The following MRTFA variants were observed in gnomAD, a reference collection of about 807,000 sequenced individuals.
MRTFA encodes myocardin-related transcription factor A.
In MRTFA, 20 loss-of-function variants were observed where a neutral mutation model predicts 83.5. The ratio of observed to expected loss-of-function variants is 0.24; its 90% confidence interval spans 0.17 to 0.35. MRTFA has a LOEUF of 0.35. MRTFA is among the 10% of genes least tolerant of loss of function. The pLI is 1.00. For synonymous variants in MRTFA, 659 were observed against 541.2 expected (o/e 1.22, Z -3.02); for missense variants, 1,200 against 1,224.7 (o/e 0.98, Z 0.30).
chr22:40,417,927 G>A (rs78875171), intron 12 of MRTFA, among the ~76,000 whole-genome samples: 4,401 of 152,262 alleles, frequency 0.029, 99 homozygotes, highest in Non-Finnish European at 0.046. Flanking sequence ...GTCTGCTGAG[G>A]GAGCTTTCCG....
intron 2 of MRTFA, among the ~76,000 whole-genome samples, chr22:40,557,080 A>C (rs894760299): frequency 6.6e-6 from 1 of 152,238 alleles, no homozygotes; most frequent in Non-Finnish European, 1.5e-5. Flanking sequence ...ATAACTCTGT[A>C]TGCAGTAGAT....
At chr22:40,424,506 C>T in intron 7 of MRTFA, 125 bp from the exon 8 acceptor site, 1 of 1,008,418 alleles carries the variant, frequency 9.9e-7, no homozygotes. Flanking sequence ...GTGAGGCAGG[C>T]AAGCCGAGGA....
rs1177811456 is a variant in MRTFA, at chr22:40,421,091, G to T, written c.937C>A (p.Pro313Thr). The T allele has an allele frequency of 3.3e-6, 5 of 1,533,046 alleles. No homozygotes were observed. The highest frequency in any genetic ancestry group is 4.4e-6 in the Non-Finnish European group (5 of 1,138,218). 95.0% of individuals were successfully genotyped at this position (1,533,046 alleles called of 1,614,324 possible). A position where few individuals can be genotyped will look rare whatever the true frequency, so the allele number is the denominator to read the frequency against. Reference sequence around the variant, plus strand: ...TGTGACTTCTCACTGGCAGACTTGGGTTGGCTTTGCTGAGGGCACAGGAGA... The same window carrying T: ...TGTGACTTCTCACTGGCAGACTTGGTTTGGCTTTGCTGAGGGCACAGGAGA... Residue 313 changes from proline to threonine, a missense_variant, in exon 10 of 15, where the codon CCC becomes ACC. By Grantham distance (38) the Pro-to-Thr change is conservative. Transcript: ENST00000355630.
chr22:40,549,811 G>A (rs983448215), intron 3 of MRTFA, among the ~76,000 whole-genome samples: 1 of 152,166 alleles, frequency 6.6e-6, no homozygotes, highest in Non-Finnish European at 1.5e-5. Context: ...CAGCACTTTG[G>A]GGGGCCAAGG....
rs1424131388 is a variant in MRTFA, at chr22:40,552,289, C to G, written c.58G>C (p.Asp20His). 1 of 398,900 alleles carries G rather than the reference C, an allele frequency of 2.5e-6. No individual in the cohort carries two copies. The highest frequency in any genetic ancestry group is 4.4e-6 in the Non-Finnish European group (1 of 226,088). 24.7% of individuals were successfully genotyped at this position (398,900 alleles called of 1,614,324 possible). A position where few individuals can be genotyped will look rare whatever the true frequency, so the allele number is the denominator to read the frequency against. ...TCATTTTCGCCGGCCCCTCCTCCGT[C>G]CAGCCCATTCACAGCAATGACGGAA... The change falls in exon 3 of 15, where the codon GAC (aspartate) becomes CAC (histidine). Residue 20 changes from aspartate to histidine, a missense_variant. Asp to His is a moderately conservative substitution (Grantham distance 81). Around this residue, in one of 2 missense-constraint regions of MRTFA, gnomAD observed 93 missense variants for 182.9 expected, o/e 0.51. Coordinates refer to ENST00000355630, the MANE Select transcript of MRTFA (RefSeq NM_020831.6).
Position 40,470,231 on chromosome 22 carries a change from TTATATATATA to T in MRTFA, c.242-6955_242-6946del, listed in dbSNP as rs71328709. ...ACAGCAAGACCCCATCTCCAAAATT[TTATATATATA>T]TATATATATATATATATATATATAT... On this transcript the variant is annotated intron_variant, in intron 3 of 14. Transcript: ENST00000355630. Among the ~76,000 whole-genome samples, 421 of 45,598 alleles carry T rather than the reference TTATATATATA, an allele frequency of 9.2e-3. 7 individuals are homozygous for T. Among genetic ancestry groups the T allele is most frequent in the African/African-American group, 0.018 (106 of 6,036 alleles). The allele number at this position is 45,598 out of a possible 152,430, so 29.9% of individuals were successfully genotyped here. A position where few individuals can be genotyped will look rare whatever the true frequency, so the allele number is the denominator to read the frequency against.
At chr22:40,494,165 G>C (rs191266620) in intron 3 of MRTFA, among the ~76,000 whole-genome samples, 1 of 152,282 alleles carries the variant, frequency 6.6e-6, no homozygotes, top group African/African-American at 2.4e-5. Context: ...TATTGGCTTA[G>C]AGAAAAGTGC....
chr22:40,529,700 AAACAG>A, intron 3 of MRTFA, among the ~76,000 whole-genome samples: 1 of 152,358 alleles, frequency 6.6e-6, no homozygotes, highest in South Asian at 2.1e-4. Flanking sequence ...AGGATAAATC[AAACAG>A]AACACTTAGA....
intron 1 of MRTFA, among the ~76,000 whole-genome samples, chr22:40,627,192 G>A (rs766593013): frequency 8.5e-5 from 13 of 152,114 alleles, no homozygotes; most frequent in Non-Finnish European, 1.8e-4. Context: ...TGTTGCCCAG[G>A]CTGGAGTGCA....
At chr22:40,476,270 G>A (rs1387626950) in intron 3 of MRTFA, among the ~76,000 whole-genome samples, 1 of 151,718 alleles carries the variant, frequency 6.6e-6, no homozygotes, top group Non-Finnish European at 1.5e-5. Context: ...ACTAATATGC[G>A]CCCACGAGTC....
In MRTFA at chr22:40,435,670, C is replaced by A. The variant is rs142132593; in HGVS notation, c.308-116G>T. The A allele has an allele frequency of 1.1e-4, 122 of 1,116,940 alleles. No homozygotes were observed. In the Middle Eastern group the frequency reaches 1.7e-3, roughly 15 times the overall value. The allele number at this position is 1,116,940 out of a possible 1,614,324, so 69.2% of individuals were successfully genotyped here. A position where few individuals can be genotyped will look rare whatever the true frequency, so the allele number is the denominator to read the frequency against. On this transcript the variant is annotated intron_variant, in intron 4 of 14. Transcript: ENST00000355630. ...GTTACTGGCTGGGCGTGGTGGCTCACGCCTGTAATCCCAACACTTTGGGAG... is the reference window on the plus strand; with the variant it reads ...GTTACTGGCTGGGCGTGGTGGCTCAAGCCTGTAATCCCAACACTTTGGGAG...
chr22:40,507,403 G>A (rs2054597212), intron 3 of MRTFA, among the ~76,000 whole-genome samples: 1 of 151,564 alleles, frequency 6.6e-6, no homozygotes, highest in Non-Finnish European at 1.5e-5. Flanking sequence ...CCAGCTGGGC[G>A]CCAGGGCTCA....
intron 3 of MRTFA, among the ~76,000 whole-genome samples, chr22:40,513,990 AC>A (rs747619219): frequency 1.3e-5 from 2 of 151,842 alleles, no homozygotes; most frequent in Non-Finnish European, 2.9e-5. Context: ...GGTGGCTCAC[AC>A]CTGTAATCCC....
chr22:40,442,213 T>C (rs2147112573), intron 4 of MRTFA, among the ~76,000 whole-genome samples: 1 of 152,368 alleles, frequency 6.6e-6, no homozygotes, highest in African/African-American at 2.4e-5. Flanking sequence ...TGTCTAGGTC[T>C]GAATGTTGCT....
At chr22:40,440,143 C>T (rs1346470090) in intron 4 of MRTFA, among the ~76,000 whole-genome samples, 2 of 140,234 alleles carry the variant, frequency 1.4e-5, no homozygotes, top group South Asian at 4.6e-4. Flanking sequence ...CAGAGTGAGA[C>T]TCCGTCTCAA....
chr22:40,630,695 T>C (rs887104669), intron 1 of MRTFA, among the ~76,000 whole-genome samples: 1 of 152,214 alleles, frequency 6.6e-6, no homozygotes, highest in African/African-American at 2.4e-5. Context: ...TTTCTTATAA[T>C]TAACTTTCTA....
Position 40,545,713 on chromosome 22 carries a change from G to A in MRTFA, c.241+6393C>T, listed in dbSNP as rs1399304610. Among the ~76,000 whole-genome samples the A allele has an allele frequency of 4.0e-5, 6 of 149,988 alleles. No individual in the cohort carries two copies. In the South Asian group the frequency reaches 6.4e-4, roughly 16 times the overall value. ...CTCCCAAAGTGCTGGGATTACAGGC[G>A]TGAGCCACCACGCCCGGCCATTTTT... On this transcript the variant is annotated intron_variant, in intron 3 of 14. Transcript: ENST00000355630.
At chr22:40,515,574 T>G (rs1263603026) in intron 3 of MRTFA, among the ~76,000 whole-genome samples, 1 of 151,984 alleles carries the variant, frequency 6.6e-6, no homozygotes, top group African/African-American at 2.4e-5. Flanking sequence ...GCACCTGTAA[T>G]CCCAGCTACC....
chr22:40,540,796 AC>A (rs397813993), intron 3 of MRTFA, among the ~76,000 whole-genome samples: 3 of 148,788 alleles, frequency 2.0e-5, no homozygotes, highest in East Asian at 2.0e-4. Context: ...AAAAAAAAAA[AC>A]CAAAAACATA....
Sources: gnomAD v4.1 joint callset for allele counts (sites outside exome capture counted in the v4.1 genomes callset) on GRCh38, gnomAD v4.1.1 for gene constraint, gnomAD v4.1.1 regional missense constraint, MANE v1.5 for transcripts, NCBI Gene and HGNC (gene_info 2026-07-23, HGNC 2026-07-21) for gene names.